The following CFAP299 variants were observed in gnomAD, a reference collection of about 807,000 sequenced individuals.
The protein encoded by CFAP299 is cilia- and flagella-associated protein 299.
A neutral mutation model predicts 27.0 loss-of-function variants in CFAP299; 21 were observed. The observed-to-expected ratio is 0.78, with a 90% CI of 0.55 to 1.12. CFAP299 has a LOEUF of 1.12. CFAP299 is among the 50% of genes most tolerant of loss of function. The pLI, the probability that CFAP299 is intolerant of heterozygous loss-of-function variation, is 0.00. For synonymous variants in CFAP299, 104 were observed against 98.1 expected, an observed-to-expected ratio of 1.06 and a Z score of -0.36; for missense variants, 310 against 276.6, an observed-to-expected ratio of 1.12 and a Z score of -0.86.
intron 4 of CFAP299, among the ~76,000 whole-genome samples, chr4:80,926,234 G>A (rs1736299272): frequency 6.6e-6 from 1 of 152,048 alleles, no homozygotes; most frequent in Admixed American, 6.6e-5. Context: ...TGGAGTGCAT[G>A]ATGTGACTAG....
At chr4:80,384,862 T>G (rs999818688) in intron 2 of CFAP299, among the ~76,000 whole-genome samples, 12 of 152,284 alleles carry the variant, frequency 7.9e-5, no homozygotes, top group South Asian at 2.1e-4. Context: ...GCTAGGTTCT[T>G]TTTTAATTAA....
chr4:80,477,345 G>A (rs1300021279), intron 2 of CFAP299, among the ~76,000 whole-genome samples: 1 of 152,128 alleles, frequency 6.6e-6, no homozygotes, highest in Non-Finnish European at 1.5e-5. Flanking sequence ...ACAGGCATGA[G>A]CCACCACATC....
chr4:80,567,035 A>G (rs573287255), intron 2 of CFAP299, among the ~76,000 whole-genome samples: 1 of 152,162 alleles, frequency 6.6e-6, no homozygotes, highest in Admixed American at 6.6e-5. Context: ...ACAAAAAGAA[A>G]AAGTTTTCAT....
intron 4 of CFAP299, among the ~76,000 whole-genome samples, chr4:80,879,421 AT>A (rs555118562): frequency 1.1e-4 from 16 of 151,208 alleles, no homozygotes; most frequent in African/African-American, 1.9e-4. Flanking sequence ...CCCTAGTCCA[AT>A]TTTTTTTTAA....
At chr4:80,329,098 C>T in the CFAP299 span, among the ~76,000 whole-genome samples, 1 of 151,544 alleles carries the variant, frequency 6.6e-6, no homozygotes, top group Non-Finnish European at 1.5e-5. Flanking sequence ...TTCTTTAGCT[C>T]ATCAGCCATT....
chr4:80,659,479 T>C (rs1740725120), intron 3 of CFAP299, among the ~76,000 whole-genome samples: 1 of 151,866 alleles, frequency 6.6e-6, no homozygotes, highest in Non-Finnish European at 1.5e-5. Flanking sequence ...CTTGAAATAA[T>C]AGGGAAAAAT....
intron 3 of CFAP299, among the ~76,000 whole-genome samples, chr4:80,641,288 T>G (rs961712834): frequency 1.3e-5 from 2 of 152,166 alleles, no homozygotes; most frequent in African/African-American, 2.4e-5. Context: ...CACTACAACC[T>G]CTGACTCCCG....
intron 2 of CFAP299, among the ~76,000 whole-genome samples, chr4:80,551,996 G>A (rs1013996855): frequency 2.6e-5 from 4 of 152,078 alleles, no homozygotes; most frequent in Non-Finnish European, 2.9e-5. Context: ...GTATCTGCCC[G>A]CCTTGTCCTC....
At chr4:80,431,313 C>T (rs1030642034) in intron 2 of CFAP299, among the ~76,000 whole-genome samples, 4 of 151,980 alleles carry the variant, frequency 2.6e-5, no homozygotes, top group Non-Finnish European at 4.4e-5. Flanking sequence ...CTTCCTCATT[C>T]CCTCTCTCTG....
intron 4 of CFAP299, among the ~76,000 whole-genome samples, chr4:80,896,778 T>A (rs575320400): frequency 6.6e-6 from 1 of 152,196 alleles, no homozygotes; most frequent in Admixed American, 6.5e-5. Context: ...TTTCACCTAG[T>A]GCTTATAACA....
chr4:80,940,013 G>A (rs1737111134), intron 4 of CFAP299, among the ~76,000 whole-genome samples: 1 of 152,170 alleles, frequency 6.6e-6, no homozygotes, highest in Non-Finnish European at 1.5e-5. Flanking sequence ...GTCCTGCAGA[G>A]TTGAGCTGGC....
intron 2 of CFAP299, among the ~76,000 whole-genome samples, chr4:80,396,188 A>G (rs951512951): frequency 6.6e-6 from 1 of 152,102 alleles, no homozygotes; most frequent in African/African-American, 2.4e-5. Flanking sequence ...ATAACCGTGT[A>G]TTTGGTCTAA....
rs80219616 is a variant in CFAP299, at chr4:80,687,482, T to G, written c.333+104299T>G. The stretch of plus-strand genomic sequence containing the variant: ...TTTAAGGATAAACTGAGGGAGAATT[T>G]CAACTGAGGTGAGCCATTGCAGTTG... On this transcript the variant is annotated intron_variant, in intron 3 of 5. Transcript: ENST00000358105. Among the ~76,000 whole-genome samples the G allele has an allele frequency of 5.7e-3, 863 of 152,290 alleles. 8 individuals are homozygous for G. Among genetic ancestry groups the G allele is most frequent in the African/African-American group, 0.018 (755 of 41,552 alleles).
chr4:80,577,672 A>AT (rs1221030025), intron 2 of CFAP299, among the ~76,000 whole-genome samples: 2 of 152,172 alleles, frequency 1.3e-5, no homozygotes, highest in Non-Finnish European at 2.9e-5. Flanking sequence ...AAATGCTGGG[A>AT]TTACAGGCAT....
chr4:80,637,253 A>C (rs1397977111), intron 3 of CFAP299, among the ~76,000 whole-genome samples: 1 of 152,212 alleles, frequency 6.6e-6, no homozygotes, highest in East Asian at 1.9e-4. Context: ...CCAACAAAAT[A>C]GAGGGAAAAT....
intron 3 of CFAP299, among the ~76,000 whole-genome samples, chr4:80,708,798 TA>T (rs965280702): frequency 5.3e-5 from 8 of 151,984 alleles, no homozygotes; most frequent in South Asian, 4.1e-4. Context: ...TGATGCATTA[TA>T]AAAAAATGCT....
chr4:80,498,245 A>G (rs975340515), intron 2 of CFAP299, among the ~76,000 whole-genome samples: 2 of 152,166 alleles, frequency 1.3e-5, no homozygotes, highest in Admixed American at 1.3e-4. Context: ...AAATTGGCAA[A>G]TGGAACCTAA....
At chr4:80,584,773 A>T (rs1279891853) in intron 3 of CFAP299, among the ~76,000 whole-genome samples, 3 of 151,946 alleles carry the variant, frequency 2.0e-5, no homozygotes, top group Non-Finnish European at 4.4e-5. Context: ...TCATCTATTA[A>T]TTATGTTTTT....
chr4:80,602,108 G>T (rs767429145), intron 3 of CFAP299, among the ~76,000 whole-genome samples: 2 of 152,028 alleles, frequency 1.3e-5, no homozygotes, highest in Non-Finnish European at 2.9e-5. Flanking sequence ...ATTAACTAAT[G>T]GGTACTAGGC....
Sources: gnomAD v4.1 joint callset for allele counts (sites outside exome capture counted in the v4.1 genomes callset) on GRCh38, gnomAD v4.1.1 for gene constraint, MANE v1.5 for transcripts, NCBI Gene and HGNC (gene_info 2026-07-23, HGNC 2026-07-21) for gene names.